Variants in PLA2G4F observed in about 807,000 individuals in gnomAD.
The protein encoded by PLA2G4F is cytosolic phospholipase A2 zeta.
PLA2G4F carries 105 observed loss-of-function variants against 103.1 expected under a neutral mutation model. The observed-to-expected ratio is 1.02, with a 90% CI of 0.87 to 1.20. The LOEUF (loss-of-function observed/expected upper bound fraction) is 1.20, where lower values mean the gene tolerates loss of function less well. PLA2G4F is among the 50% of genes most tolerant of loss of function. The pLI, the probability that PLA2G4F is intolerant of heterozygous loss-of-function variation, is 0.00. For missense variants in PLA2G4F, 1,155 were observed against 1,075.9 expected (o/e 1.07, Z -1.03); for synonymous variants, 468 against 441.1 (o/e 1.06, Z -0.76).
At chr15:42,146,842 G>A (rs995751964) in intron 13 of PLA2G4F, 1 of 385,104 alleles carries the variant, frequency 2.6e-6, no homozygotes, top group Non-Finnish European at 4.8e-6. Flanking sequence ...CTCTCTGGAA[G>A]GGGGGCCGAG....
chr15:42,152,371 C>T (rs929467353), intron 7 of PLA2G4F, among the ~76,000 whole-genome samples: 5 of 152,198 alleles, frequency 3.3e-5, no homozygotes, highest in African/African-American at 7.2e-5. Context: ...AGACGCATGG[C>T]ACAGGGCTGG....
chr15:42,153,404 C>T, intron 5 of PLA2G4F, 62 bp from the exon 6 acceptor site: 1 of 1,575,816 alleles, frequency 6.3e-7, no homozygotes, highest in Non-Finnish European at 8.7e-7. Flanking sequence ...CCTCTACAAT[C>T]ATAATGTGAC....
rs1040977447 is a variant in PLA2G4F at position 42,146,843 on chromosome 15, G to C, written c.1419+281C>G. 8 of 386,494 alleles carry C rather than the reference G, an allele frequency of 2.1e-5. No homozygotes were observed. In the East Asian group the frequency reaches 3.3e-4, roughly 16 times the overall value. The allele number at this position is 386,494 out of a possible 1,614,324, so 23.9% of individuals were successfully genotyped here. The stretch of plus-strand genomic sequence containing the variant: ...CAACTAAAATCACTCTCTCTGGAAG[G>C]GGGGCCGAGGCATGGGTGTGTTTGA... On this transcript the variant is annotated intron_variant, in intron 13 of 19. Coordinates refer to ENST00000397272, the MANE Select transcript of PLA2G4F (RefSeq NM_213600.4).
intron 11 of PLA2G4F, 60 bp from the exon 12 acceptor site, chr15:42,147,822 G>A: frequency 1.3e-6 from 2 of 1,597,318 alleles, no homozygotes; most frequent in Admixed American, 3.4e-5. Flanking sequence ...ACGTATTACT[G>A]CCTATACATG....
At chr15:42,148,962 T>C (rs2048923534) in intron 11 of PLA2G4F, 5 of 985,382 alleles carry the variant, frequency 5.1e-6, no homozygotes, top group South Asian at 4.7e-5. Context: ...TTGTCAGCGC[T>C]GGGCCACAGT....
chr15:42,146,969 G>T, intron 13 of PLA2G4F, 155 bp downstream of exon 13: 2 of 721,074 alleles, frequency 2.8e-6, no homozygotes, highest in Non-Finnish European at 4.5e-6. Context: ...AATGGTACCA[G>T]CCCACCCTGG....
chr15:42,152,213 C>A (rs2048968075), intron 7 of PLA2G4F, among the ~76,000 whole-genome samples: 1 of 152,238 alleles, frequency 6.6e-6, no homozygotes, highest in Non-Finnish European at 1.5e-5. Flanking sequence ...TGAGTTCAAC[C>A]CTGTTTTGGC....
intron 11 of PLA2G4F, 88 bp from the exon 12 acceptor site, chr15:42,147,850 A>T (rs2048910926): frequency 1.8e-5 from 27 of 1,532,716 alleles, no homozygotes; most frequent in Middle Eastern, 1.7e-4. Context: ...TTATTCTAAG[A>T]GTCTTACACG....
Position 42,149,761 on chromosome 15 carries a change from C to T in PLA2G4F, c.1011G>A (p.Lys337=). 1 of 1,614,226 alleles carries T rather than the reference C, an allele frequency of 6.2e-7. No homozygotes were observed. Among genetic ancestry groups the T allele is most frequent in the African/African-American group, 1.3e-5 (1 of 75,068 alleles). Reference sequence around the variant, plus strand: ...TCAATCCCAGCACTTGCTGCAGGGCCTTGGACACGACCTGCTTCCTCCTGT... The same window carrying T: ...TCAATCCCAGCACTTGCTGCAGGGCTTTGGACACGACCTGCTTCCTCCTGT... ...FLDRRKQVVS[K]ALQQVLGLSE... is the part of the protein sequence containing the mutation. The change falls in exon 11 of 20, where the codon AAG becomes AAA. Residue 337 remains lysine, a synonymous_variant. Transcript: ENST00000397272.
At position 42,140,693 on chromosome 15, in the gene PLA2G4F, T is replaced by G. The variant is rs1377305931; in HGVS notation, c.*1291A>C. The stretch of plus-strand genomic sequence containing the variant: ...AACCTGGAAACCAGAACTAGTCTTC[T>G]TTCCAGACTCAGGACAGGTAAGGCT... On this transcript the variant is annotated 3_prime_UTR_variant, in exon 20 of 20. Coordinates refer to ENST00000397272, the MANE Select transcript of PLA2G4F (RefSeq NM_213600.4). 1 of 153,086 alleles carries G rather than the reference T, an allele frequency of 6.5e-6. No individual in the cohort carries two copies. The allele number at this position is 153,086 out of a possible 1,614,324, so 9.5% of individuals were successfully genotyped here. A position where few individuals can be genotyped will look rare whatever the true frequency, so the allele number is the denominator to read the frequency against.
chr15:42,141,948 CTCCTCTCTGTCACAGTCCTCCGCT>C lies in PLA2G4F; in HGVS notation c.*12_*35del, dbSNP rs756324740. The C allele has an allele frequency of 6.3e-7, 1 of 1,575,296 alleles. No homozygotes were observed. The highest frequency in any genetic ancestry group is 8.7e-7 in the Non-Finnish European group (1 of 1,149,148). ...CAAGCCCTGACCATGAGCAGTGTGT[CTCCTCTCTGTCACAGTCCTCCGCT>C]TCCTGCCTTGGTCAGGCCCCTGCCC... On this transcript the variant is annotated 3_prime_UTR_variant, in exon 20 of 20. Coordinates refer to ENST00000397272, the MANE Select transcript of PLA2G4F (RefSeq NM_213600.4).
intron 8 of PLA2G4F, 42 bp downstream of exon 8, chr15:42,150,566 G>A (rs757139831): frequency 1.9e-6 from 3 of 1,596,618 alleles, no homozygotes; most frequent in Non-Finnish European, 2.6e-6. Flanking sequence ...ACGCCAGTCT[G>A]GGCTGAGTTG....
intron 18 of PLA2G4F, among the ~76,000 whole-genome samples, chr15:42,143,004 C>A (rs1416044441): frequency 6.6e-6 from 1 of 151,868 alleles, no homozygotes; most frequent in East Asian, 1.9e-4. Context: ...CATGGTGAAA[C>A]CCCGTCTCTA....
chr15:42,149,558 T>A (rs1217158769), intron 11 of PLA2G4F, 155 bp downstream of exon 11: 3 of 985,152 alleles, frequency 3.0e-6, no homozygotes, highest in Non-Finnish European at 3.6e-6. Flanking sequence ...TTGGCCCTGG[T>A]CCCATATGGG....
intron 7 of PLA2G4F, chr15:42,151,446 C>T (rs1171936322): frequency 1.0e-6 from 1 of 985,270 alleles, no homozygotes; most frequent in Non-Finnish European, 1.2e-6. Context: ...GAGGCCAGAC[C>T]CCAGGGAGAA....
intron 1 of PLA2G4F, 92 bp from the exon 2 acceptor site, chr15:42,155,681 C>G (rs1255094421): frequency 7.6e-7 from 1 of 1,307,438 alleles, no homozygotes; most frequent in Non-Finnish European, 1.1e-6. Context: ...GAGCAGCAAC[C>G]TGGCATAGGG....
At chr15:42,152,395 A>ATTGGCGGGGGTG (rs2048969823) in intron 7 of PLA2G4F, among the ~76,000 whole-genome samples, 2 of 152,200 alleles carry the variant, frequency 1.3e-5, no homozygotes, top group African/African-American at 4.8e-5. Context: ...ACCCCCGCCA[A>ATTGGCGGGGGTG]GCCCAGCCCA....
intron 10 of PLA2G4F, 98 bp from the exon 11 acceptor site, chr15:42,149,946 C>T (rs879927509): frequency 9.0e-5 from 138 of 1,532,562 alleles, no homozygotes; most frequent in Non-Finnish European, 1.2e-4. Context: ...AGGAGCAGGT[C>T]CAAGGGATCC....
rs537938853 is a variant in PLA2G4F at position 42,146,880 on chromosome 15, G to A, written c.1419+244C>T. The A allele has an allele frequency of 8.7e-5, 42 of 480,572 alleles. No homozygotes were observed. In the East Asian group the frequency reaches 9.0e-4, roughly 10 times the overall value. The allele number at this position is 480,572 out of a possible 1,614,324, so 29.8% of individuals were successfully genotyped here. ...ATGGGTGTGTTTGAAAAGCTGCGCC[G>A]GTGATTCTAATATGCACCCAGAGCT... is the stretch of plus-strand genomic sequence containing the variant. On this transcript the variant is annotated intron_variant, in intron 13 of 19. Transcript: ENST00000397272.
Sources: gnomAD v4.1 joint callset for allele counts (sites outside exome capture counted in the v4.1 genomes callset) on GRCh38, gnomAD v4.1.1 for gene constraint, MANE v1.5 for transcripts, NCBI Gene and HGNC (gene_info 2026-07-23, HGNC 2026-07-21) for gene names.